Variants in LIN9 observed in about 807,000 individuals in gnomAD.
The protein encoded by LIN9 is protein lin-9 homolog.
A neutral mutation model predicts 78.0 loss-of-function variants in LIN9; 18 were observed. That is an observed-to-expected ratio of 0.23 (90% CI 0.16 to 0.34). LIN9 has a LOEUF of 0.34. LIN9 is among the 10% of genes least tolerant of loss of function. The probability of loss-of-function intolerance (pLI) is 1.00; values close to 1 mark genes in which losing one functional copy is unlikely to be tolerated. For missense variants in LIN9, 451 were observed against 644.1 expected (o/e 0.70, Z 3.25); for synonymous variants, 192 against 215.2 (o/e 0.89, Z 0.94).
intron 6 of LIN9, among the ~76,000 whole-genome samples, chr1:226,285,963 C>T (rs1661359871): frequency 6.6e-6 from 1 of 151,990 alleles, no homozygotes; most frequent in African/African-American, 2.4e-5. Context: ...TTATAAGATG[C>T]ATACGTATAA....
intron 1 of LIN9, among the ~76,000 whole-genome samples, chr1:226,306,034 G>A (rs186907802): frequency 2.0e-5 from 3 of 152,174 alleles, no homozygotes; most frequent in Non-Finnish European, 4.4e-5. Context: ...GTGAAAGGGA[G>A]GAAAGTGGCT....
chr1:226,265,969 G>A lies in LIN9; in HGVS notation c.936+244C>T, dbSNP rs185294780. Among the ~76,000 whole-genome samples, 17 of 152,180 alleles carry A rather than the reference G, an allele frequency of 1.1e-4. 1 individual carries two copies. In the East Asian group the frequency reaches 2.9e-3, roughly 26 times the overall value. On this transcript the variant is annotated intron_variant, in intron 9 of 14. Coordinates refer to ENST00000681046, the MANE Select transcript of LIN9 (RefSeq NM_001366245.2). This position sits in a 1 kb window ranked among gnomAD's most constrained non-coding sequence, Gnocchi z 4.1. The stretch of plus-strand genomic sequence containing the variant: ...TGGGATTACAGGCGTGAGCCACTGC[G>A]CCCGGCCAGGAAGTATCTTATTTTT...
intron 11 of LIN9, among the ~76,000 whole-genome samples, chr1:226,240,602 TG>T (rs1250593914): frequency 4.6e-5 from 7 of 152,252 alleles, no homozygotes; most frequent in Admixed American, 3.3e-4. Context: ...TTGGCCAGGC[TG>T]GTCTCGAACT....
At chr1:226,280,524 TC>T (rs1209285641) in intron 6 of LIN9, among the ~76,000 whole-genome samples, 1 of 152,128 alleles carries the variant, frequency 6.6e-6, no homozygotes, top group Non-Finnish European at 1.5e-5. Flanking sequence ...ACACCTGTAA[TC>T]CCAGCACTTT....
At chr1:226,274,432 T>G (rs1660502235) in intron 7 of LIN9, among the ~76,000 whole-genome samples, 1 of 152,180 alleles carries the variant, frequency 6.6e-6, no homozygotes, top group African/African-American at 2.4e-5. Flanking sequence ...CTCTGAAGAT[T>G]TTCTGTATTG....
chr1:226,250,165 T>C (rs935972624), intron 11 of LIN9, among the ~76,000 whole-genome samples: 12 of 143,532 alleles, frequency 8.4e-5, no homozygotes, highest in Admixed American at 5.6e-4. Flanking sequence ...CAAAATTCCA[T>C]CTCAGAAAAA....
chr1:226,273,256 A>ATTTTTTTTT (rs34679926), intron 7 of LIN9, among the ~76,000 whole-genome samples: 7 of 87,254 alleles, frequency 8.0e-5, no homozygotes, highest in Admixed American at 1.4e-4. Context: ...TAATTAGGTA[A>ATTTTTTTTT]TTTTTTTTTT....
At chr1:226,309,490 C>T (rs1218886031), upstream of LIN9, 39 of 1,114,774 alleles carry the variant, frequency 3.5e-5, no homozygotes, top group African/African-American at 5.2e-5. Flanking sequence ...TGTTCCGCGG[C>T]CCGCGCTGCA....
In LIN9 at chr1:226,233,520, C is replaced by A; in HGVS notation, c.1249G>T (p.Ala417Ser). 3 of 1,612,242 alleles carry A rather than the reference C, an allele frequency of 1.9e-6. No homozygotes were observed. Among genetic ancestry groups the A allele is most frequent in the Non-Finnish European group, 1.7e-6 (2 of 1,179,360 alleles). Residue 417 changes from alanine to serine, a missense_variant, in exon 13 of 15, where the codon GCT (alanine) becomes TCT (serine). Transcript: ENST00000681046. ...GCAGGCTGGAGCCCCTGGTCTGGAG[C>A]AAGCTGAATACAGATGATTGAAGCA... is the stretch of plus-strand genomic sequence containing the variant. ...HKVQQYCYELAPDQGLQPADQ... is the reference protein window; with the variant it reads ...HKVQQYCYELSPDQGLQPADQ...
chr1:226,233,653 C>T, intron 12 of LIN9, 130 bp from the exon 13 acceptor site: 1 of 534,016 alleles, frequency 1.9e-6, no homozygotes, highest in Non-Finnish European at 2.9e-6. Context: ...GGTACTCTTA[C>T]CTTAGAAGTT....
intron 6 of LIN9, among the ~76,000 whole-genome samples, chr1:226,278,957 T>TAAAA (rs398053860): frequency 8.6e-6 from 1 of 115,692 alleles, no homozygotes; most frequent in African/African-American, 3.4e-5. Flanking sequence ...CCGTCTCTAC[T>TAAAA]AAAAAAAAAA....
intron 11 of LIN9, among the ~76,000 whole-genome samples, chr1:226,240,788 G>T (rs1031255670): frequency 2.0e-5 from 3 of 151,482 alleles, no homozygotes; most frequent in African/African-American, 7.3e-5. Context: ...GGACTCAAAG[G>T]ATCCTCCTGT....
At chr1:226,290,762 A>T (rs951611408) in intron 4 of LIN9, among the ~76,000 whole-genome samples, 37 of 152,022 alleles carry the variant, frequency 2.4e-4, no homozygotes, top group African/African-American at 8.7e-4. Context: ...TCCTTTTTTT[A>T]AAAAAATTTT....
chr1:226,292,489 T>C (rs1163066479), intron 4 of LIN9, among the ~76,000 whole-genome samples: 1 of 151,470 alleles, frequency 6.6e-6, no homozygotes, highest in Non-Finnish European at 1.5e-5. Flanking sequence ...AGGGTCTCTG[T>C]TCTATTGCCC....
chr1:226,272,262 G>A (rs192276101), intron 7 of LIN9, among the ~76,000 whole-genome samples: 71 of 151,758 alleles, frequency 4.7e-4, no homozygotes, highest in Admixed American at 1.1e-3. Flanking sequence ...CACCATGTTG[G>A]CCAGGCTGGT....
intron 4 of LIN9, 24 bp downstream of exon 4, chr1:226,295,818 A>G (rs762709843): frequency 2.7e-6 from 4 of 1,481,984 alleles, no homozygotes; most frequent in Non-Finnish European, 3.7e-6. Context: ...TTTCCAATGA[A>G]ACAAAATTTT....
chr1:226,302,008 G>A (rs1662565208), intron 1 of LIN9, among the ~76,000 whole-genome samples: 1 of 152,202 alleles, frequency 6.6e-6, no homozygotes, highest in Non-Finnish European at 1.5e-5. Context: ...GGTTGAGGCG[G>A]CAGTGAGCTG....
intron 4 of LIN9, among the ~76,000 whole-genome samples, chr1:226,289,835 G>GGGGGGGGT (rs1661618022): frequency 4.3e-5 from 1 of 23,332 alleles, no homozygotes; most frequent in Non-Finnish European, 7.5e-5. Flanking sequence ...GTAGTCCTCC[G>GGGGGGGGT]GGGGGGGGGG....
At chr1:226,264,412 T>C (rs1174167555) in intron 10 of LIN9, among the ~76,000 whole-genome samples, 1 of 151,554 alleles carries the variant, frequency 6.6e-6, no homozygotes, top group Non-Finnish European at 1.5e-5. Flanking sequence ...AAATAAATAT[T>C]AAATAAAAAA....
Sources: gnomAD v4.1 joint callset for allele counts (sites outside exome capture counted in the v4.1 genomes callset) on GRCh38, gnomAD v4.1.1 for gene constraint, Gnocchi (gnomAD v3.1) non-coding constraint, MANE v1.5 for transcripts, NCBI Gene and HGNC (gene_info 2026-07-23, HGNC 2026-07-21) for gene names.